Variants in GFRA1 observed in about 807,000 individuals in gnomAD.
GFRA1 encodes GDNF family receptor alpha 1, also known as GDNF family receptor alpha-1.
GFRA1 carries 16 observed loss-of-function variants against 51.6 expected under a neutral mutation model. That is an observed-to-expected ratio of 0.31 (90% confidence interval 0.21 to 0.47). GFRA1 has a LOEUF of 0.47. Among genes scored for constraint, GFRA1 ranks in the 20% least tolerant of loss-of-function variants. The pLI is 1.00. For missense variants in GFRA1, 530 were observed against 594.3 expected (o/e 0.89, Z 1.13); for synonymous variants, 270 against 241.3 (o/e 1.12, Z -1.10).
intron 9 of GFRA1, among the ~76,000 whole-genome samples, chr10:116,066,007 G>C (rs1030543749): frequency 1.3e-5 from 2 of 152,166 alleles, no homozygotes; most frequent in Non-Finnish European, 2.9e-5. Context: ...GGTTACTAAA[G>C]AAAACGTTTT....
At chr10:116,191,975 C>T (rs866771994) in intron 5 of GFRA1, among the ~76,000 whole-genome samples, 4 of 152,182 alleles carry the variant, frequency 2.6e-5, no homozygotes, top group Middle Eastern at 3.4e-3. Flanking sequence ...TGCAGTGAGC[C>T]GAGATCGCGC....
intron 5 of GFRA1, among the ~76,000 whole-genome samples, chr10:116,188,278 C>T (rs939533194): frequency 3.3e-5 from 5 of 152,168 alleles, no homozygotes; most frequent in Non-Finnish European, 5.9e-5. Context: ...TGAGGACCTG[C>T]GTCCCTGCTC....
intron 5 of GFRA1, among the ~76,000 whole-genome samples, chr10:116,127,676 G>A (rs1324560441): frequency 6.6e-6 from 1 of 152,216 alleles, no homozygotes; most frequent in Admixed American, 6.5e-5. Flanking sequence ...GGACTCAGGA[G>A]TGAAATAGTC....
intron 5 of GFRA1, among the ~76,000 whole-genome samples, chr10:116,194,160 T>C (rs147061723): frequency 1.7e-3 from 259 of 152,176 alleles, no homozygotes; most frequent in African/African-American, 5.8e-3. Context: ...TCTCTTGACC[T>C]GCTGAATATG....
intron 4 of GFRA1, among the ~76,000 whole-genome samples, chr10:116,260,032 A>G (rs1319720078): frequency 1.3e-5 from 2 of 152,208 alleles, no homozygotes; most frequent in Admixed American, 1.3e-4. Flanking sequence ...TGAGGATTCA[A>G]TGAGGAGAAT....
Position 116,272,855 on chromosome 10 carries a change from C to T in GFRA1, c.-247+308G>A, listed in dbSNP as rs1364061028. 1 of 152,520 alleles carries T rather than the reference C, an allele frequency of 6.6e-6. No individual in the cohort carries two copies. Among genetic ancestry groups the T allele is most frequent in the East Asian group, 1.9e-4 (1 of 5,154 alleles). The allele number at this position is 152,520 out of a possible 1,614,324, so 9.4% of individuals were successfully genotyped here. A position where few individuals can be genotyped will look rare whatever the true frequency, so the allele number is the denominator to read the frequency against. ...TGGGGCTGAAACCCGGTTCCTGCGC[C>T]CCTACCCCCTACCCGCCGCGCGTCC... is the stretch of plus-strand genomic sequence containing the variant. On this transcript the variant is annotated intron_variant, in intron 1 of 10. Transcript: ENST00000355422. This position sits in a 1 kb window ranked among gnomAD's most constrained non-coding sequence, Gnocchi z 4.4.
chr10:116,085,101 C>T (rs907973548), intron 9 of GFRA1, among the ~76,000 whole-genome samples: 1 of 152,160 alleles, frequency 6.6e-6, no homozygotes, highest in Non-Finnish European at 1.5e-5. Flanking sequence ...TTACACTAAT[C>T]AATCAACTTT....
chr10:116,098,935 A>G (rs1956711601), intron 6 of GFRA1, among the ~76,000 whole-genome samples: 1 of 152,242 alleles, frequency 6.6e-6, no homozygotes, highest in Non-Finnish European at 1.5e-5. Flanking sequence ...CTGCTTTTTG[A>G]GAGATCATCG....
intron 4 of GFRA1, among the ~76,000 whole-genome samples, chr10:116,259,324 C>CTTT (rs77768306): frequency 0.02 from 2,911 of 143,888 alleles, 52 homozygotes; most frequent in Middle Eastern, 0.047. Context: ...CTATGTATTC[C>CTTT]TTTTTTTTTT....
rs912180521 is a variant in GFRA1 at position 116,096,892 on chromosome 10, C to T, written c.771-128G>A. 2.8e-5 allele frequency: 19 copies of T among 673,694 alleles called. No homozygotes were observed. In the African/African-American group the frequency reaches 3.0e-4, roughly 11 times the overall value. The allele number at this position is 673,694 out of a possible 1,614,324, so 41.7% of individuals were successfully genotyped here. A position where few individuals can be genotyped will look rare whatever the true frequency, so the allele number is the denominator to read the frequency against. ...CTGCACACGCACACGCACACACACA[C>T]ACACACACATACACACAAAATACGT... On this transcript the variant is annotated intron_variant, in intron 6 of 10. Coordinates refer to ENST00000355422, the MANE Select transcript of GFRA1 (RefSeq NM_005264.8).
intron 8 of GFRA1, among the ~76,000 whole-genome samples, chr10:116,092,096 TACACACACACACACACACACACAC>T (rs58442181): frequency 1.4e-5 from 2 of 138,110 alleles, no homozygotes; most frequent in Non-Finnish European, 3.1e-5. Context: ...CATACATACG[TACACACACACACACACACACACAC>T]ACACACACAC....
At chr10:116,088,501 C>CT (rs1051544306) in intron 9 of GFRA1, among the ~76,000 whole-genome samples, 1 of 152,148 alleles carries the variant, frequency 6.6e-6, no homozygotes, top group Non-Finnish European at 1.5e-5. Flanking sequence ...CCCATTAGCT[C>CT]TGCAGACTTG....
chr10:116,198,868 G>A (rs1016031015), intron 5 of GFRA1, among the ~76,000 whole-genome samples: 12 of 152,182 alleles, frequency 7.9e-5, no homozygotes, highest in African/African-American at 2.7e-4. Flanking sequence ...GGTTTTTGCC[G>A]AGGTAATTAA....
chr10:116,080,048 A>T (rs1413385308), intron 9 of GFRA1, among the ~76,000 whole-genome samples: 1 of 152,172 alleles, frequency 6.6e-6, no homozygotes, highest in Non-Finnish European at 1.5e-5. Flanking sequence ...CCCATAACCC[A>T]GCCTGATCCT....
At chr10:116,162,871 G>A (rs1565619850) in intron 5 of GFRA1, among the ~76,000 whole-genome samples, 1 of 152,166 alleles carries the variant, frequency 6.6e-6, no homozygotes, top group African/African-American at 2.4e-5. Context: ...TTTGACAGAT[G>A]AGAAATATGA....
At chr10:116,085,019 G>A (rs545672798) in intron 9 of GFRA1, among the ~76,000 whole-genome samples, 2 of 152,338 alleles carry the variant, frequency 1.3e-5, no homozygotes, top group Non-Finnish European at 2.9e-5. Context: ...TGAAATGGGA[G>A]CTTGGCGGGT....
intron 5 of GFRA1, among the ~76,000 whole-genome samples, chr10:116,203,967 A>C (rs947319887): frequency 3.3e-5 from 5 of 152,266 alleles, no homozygotes; most frequent in African/African-American, 9.6e-5. Flanking sequence ...CAAAGCTAGA[A>C]CTGGCTGAGA....
chr10:116,213,228 G>A (rs1285159141), intron 4 of GFRA1, among the ~76,000 whole-genome samples: 2 of 152,186 alleles, frequency 1.3e-5, no homozygotes, highest in Non-Finnish European at 1.5e-5. Context: ...TCATAGCATT[G>A]TTTATACTGG....
In GFRA1 at chr10:116,226,895, G is replaced by T. The variant is rs560238370; in HGVS notation, c.419-15250C>A. 38 of 180,160 alleles carry T rather than the reference G, an allele frequency of 2.1e-4. No individual in the cohort carries two copies. The East Asian group carries it at 5.1e-3, about 24-fold the overall frequency. 11.2% of individuals were successfully genotyped at this position (180,160 alleles called of 1,614,324 possible). On this transcript the variant is annotated intron_variant, in intron 4 of 10. Coordinates refer to ENST00000355422, the MANE Select transcript of GFRA1 (RefSeq NM_005264.8). The stretch of plus-strand genomic sequence containing the variant: ...CCTCTCATGTGCAGTTCACAAAAGG[G>T]TTCGCGCTCCTATGAGAATCTAATG...
Sources: allele counts gnomAD v4.1 joint callset (sites outside exome capture counted in the v4.1 genomes callset), GRCh38; gene constraint gnomAD v4.1.1; non-coding constraint Gnocchi (gnomAD v3.1); transcripts MANE v1.5; gene names NCBI Gene and HGNC (gene_info 2026-07-23, HGNC 2026-07-21).